NCAM1: variants seen among roughly 807,000 people sequenced by gnomAD.
NCAM1 encodes neural cell adhesion molecule 1.
In NCAM1, 14 loss-of-function variants were observed where a neutral mutation model predicts 109.8. That is an observed-to-expected ratio of 0.13 (90% CI 0.08 to 0.20). The LOEUF is 0.20. Ranked by LOEUF, NCAM1 falls within the 10% of genes least tolerant of loss-of-function variation. The pLI is 1.00. For missense variants in NCAM1, 774 were observed against 1,109.9 expected, an observed-to-expected ratio of 0.70 and a Z score of 4.30; for synonymous variants, 418 against 442.9, an observed-to-expected ratio of 0.94 and a Z score of 0.70.
At chr11:113,174,773 G>A (rs1852414797) in intron 1 of NCAM1, among the ~76,000 whole-genome samples, 2 of 152,226 alleles carry the variant, frequency 1.3e-5, no homozygotes, top group Admixed American at 1.3e-4. Flanking sequence ...AAGTGGTGGT[G>A]AAGAGCAGGA....
intron 1 of NCAM1, among the ~76,000 whole-genome samples, chr11:113,104,114 A>G (rs1252384584): frequency 6.8e-6 from 1 of 146,226 alleles, no homozygotes; most frequent in African/African-American, 2.5e-5. Context: ...TGCCTCCAGG[A>G]TCTTTGGGTT....
chr11:112,972,254 T>C (rs7126748), intron 1 of NCAM1, among the ~76,000 whole-genome samples: 72,403 of 151,978 alleles, frequency 0.48, 18,038 homozygotes, highest in East Asian at 0.8. Flanking sequence ...TTAAAGAGAC[T>C]AGGAAGACTC....
Position 113,233,150 on chromosome 11 carries a change from C to T in NCAM1, c.1526C>T (p.Thr509Ile). The T allele has an allele frequency of 6.2e-7, 1 of 1,612,296 alleles. No homozygotes were observed. The highest frequency in any genetic ancestry group is 8.5e-7 in the Non-Finnish European group (1 of 1,179,570). ...SLEFILVQAD[T>I]PSSPSIDQVE... Reference sequence around the variant, plus strand: ...TCCATATGTGTCTTCCCCACAGACACCCCCTCTTCACCATCCATCGACCAG... The same window carrying T: ...TCCATATGTGTCTTCCCCACAGACATCCCCTCTTCACCATCCATCGACCAG... The change falls in exon 13 of 20, where the codon ACC becomes ATC. Residue 509 changes from threonine to isoleucine, a missense_variant. Physicochemically the swap from Thr to Ile is moderately conservative, Grantham distance 89 (BLOSUM62 -1). This residue lies in a region of NCAM1 where 523 missense variants were observed against 784.2 expected (regional missense o/e 0.67). Transcript: ENST00000316851. The surrounding 1 kb of genome is among the most constrained non-coding windows in gnomAD (Gnocchi z 4.5).
intron 1 of NCAM1, among the ~76,000 whole-genome samples, chr11:113,031,403 C>G (rs776890216): frequency 6.6e-6 from 1 of 152,096 alleles, no homozygotes; most frequent in South Asian, 2.1e-4. Flanking sequence ...CTAAATAGAC[C>G]GTAGAAGGCC....
chr11:113,231,140 A>G (rs1555117111), intron 9 of NCAM1: 4 of 1,476,230 alleles, frequency 2.7e-6, no homozygotes, highest in Middle Eastern at 1.7e-4. Flanking sequence ...CATCTGCAGA[A>G]ATAAGGATTT....
intron 1 of NCAM1, among the ~76,000 whole-genome samples, chr11:113,053,670 T>A (rs1189075502): frequency 6.6e-6 from 1 of 152,176 alleles, no homozygotes; most frequent in Non-Finnish European, 1.5e-5. Context: ...TTTCTAAACT[T>A]TTCCCAGTAC....
chr11:113,127,073 G>C (rs1941208165), intron 1 of NCAM1, among the ~76,000 whole-genome samples: 1 of 152,220 alleles, frequency 6.6e-6, no homozygotes, highest in African/African-American at 2.4e-5. Context: ...GATGTTTGCT[G>C]ATTGTCTGAA....
At chr11:113,264,667 G>T in intron 17 of NCAM1, 1 of 985,562 alleles carries the variant, frequency 1.0e-6, no homozygotes, top group African/African-American at 1.7e-5. Context: ...ACCCACAGGA[G>T]AGGGGCAGTG....
chr11:113,239,951 G>T (rs782432466), intron 14 of NCAM1, among the ~76,000 whole-genome samples: 1 of 152,164 alleles, frequency 6.6e-6, no homozygotes, highest in African/African-American at 2.4e-5. Context: ...ACTTTGTTTT[G>T]TGACTGCTGA....
rs567456542 is a variant in NCAM1 at position 113,128,374 on chromosome 11, A to G, written c.53-74005A>G. ...AAAAGTACTCTGTGACTTATTAATCAGTGCACTCAGGTATTAGAAAGTGTC... is the reference window on the plus strand; with the variant it reads ...AAAAGTACTCTGTGACTTATTAATCGGTGCACTCAGGTATTAGAAAGTGTC... On this transcript the variant is annotated intron_variant, in intron 1 of 19. Coordinates refer to ENST00000316851, the MANE Select transcript of NCAM1 (RefSeq NM_181351.5). 1.1e-3 allele frequency among the ~76,000 whole-genome samples: 170 copies of G among 152,314 alleles called. 1 individual carries two copies. The highest frequency in any genetic ancestry group is 8.9e-3 in the South Asian group (43 of 4,828).
At chr11:113,232,035 G>A (rs1945026227) in intron 10 of NCAM1, 135 bp from the exon 11 acceptor site, 1 of 991,412 alleles carries the variant, frequency 1.0e-6, no homozygotes, top group Non-Finnish European at 1.5e-6. Flanking sequence ...AGGAATTCTA[G>A]AATGGCCCTG....
At chr11:113,084,986 G>A (rs1555087969) in intron 1 of NCAM1, among the ~76,000 whole-genome samples, 1 of 152,140 alleles carries the variant, frequency 6.6e-6, no homozygotes, top group Admixed American at 6.5e-5. Context: ...GACCCCCGAT[G>A]GTGTCTGTAC....
chr11:112,983,238 T>A (rs1951200761), intron 1 of NCAM1, among the ~76,000 whole-genome samples: 1 of 152,012 alleles, frequency 6.6e-6, no homozygotes, highest in South Asian at 2.1e-4. Flanking sequence ...TTGGGGTTTT[T>A]ATCTTCTAGT....
chr11:113,063,287 G>A (rs1555083713), intron 1 of NCAM1, among the ~76,000 whole-genome samples: 2 of 152,320 alleles, frequency 1.3e-5, no homozygotes, highest in South Asian at 2.1e-4. Flanking sequence ...ATAGCCATAT[G>A]GGGTACACAG....
At chr11:112,989,072 G>A (rs150913031) in intron 1 of NCAM1, among the ~76,000 whole-genome samples, 1 of 152,180 alleles carries the variant, frequency 6.6e-6, no homozygotes, top group Non-Finnish European at 1.5e-5. Flanking sequence ...TGATTATAAT[G>A]TGCCTCGGAA....
At position 112,982,363 on chromosome 11, in the gene NCAM1, T is replaced by C. The variant is rs192361610; in HGVS notation, c.52+20699T>C. On this transcript the variant is annotated intron_variant, in intron 1 of 19. Transcript: ENST00000316851. The stretch of plus-strand genomic sequence containing the variant: ...AATGTATGCAAAGGTTTGGTGGCAG[T>C]GAGTAAACAAGAACTGGGGATGGCC... Among the ~76,000 whole-genome samples the C allele has an allele frequency of 1.9e-3, 291 of 152,048 alleles. 2 individuals are homozygous for C. Among genetic ancestry groups the C allele is most frequent in the African/African-American group, 6.7e-3 (278 of 41,512 alleles).
chr11:113,227,453 C>CA (rs1476859837), intron 9 of NCAM1, among the ~76,000 whole-genome samples: 1 of 151,620 alleles, frequency 6.6e-6, no homozygotes, highest in African/African-American at 2.4e-5. Context: ...GCTTACCAAC[C>CA]AAAAAAAGTC....
intron 1 of NCAM1, among the ~76,000 whole-genome samples, chr11:113,192,103 G>A (rs772885192): frequency 2.0e-4 from 31 of 152,206 alleles, no homozygotes; most frequent in Non-Finnish European, 4.1e-4. Flanking sequence ...GAGAGAGAGG[G>A]AAATGCTTCG....
chr11:113,211,946 T>C (rs1388878649), intron 7 of NCAM1, among the ~76,000 whole-genome samples: 1 of 152,086 alleles, frequency 6.6e-6, no homozygotes, highest in Non-Finnish European at 1.5e-5. Context: ...AGGTGGAGAA[T>C]AGAACAGGGA....
Sources: allele counts gnomAD v4.1 joint callset (sites outside exome capture counted in the v4.1 genomes callset), GRCh38; gene constraint gnomAD v4.1.1; regional missense constraint gnomAD v4.1.1; non-coding constraint Gnocchi (gnomAD v3.1); transcripts MANE v1.5; gene names NCBI Gene and HGNC (gene_info 2026-07-23, HGNC 2026-07-21).